TIMP2: variants seen among roughly 807,000 people sequenced by gnomAD.
The protein encoded by TIMP2 is metalloproteinase inhibitor 2.
In TIMP2, 5 loss-of-function variants were observed where a neutral mutation model predicts 24.3. That is an observed-to-expected ratio of 0.21 (90% CI 0.11 to 0.43). The LOEUF (loss-of-function observed/expected upper bound fraction) is 0.43. Ranked by LOEUF, TIMP2 falls within the 20% of genes least tolerant of loss-of-function variation. The probability of loss-of-function intolerance (pLI) is 1.00; values close to 1 mark genes in which losing one functional copy is unlikely to be tolerated. For synonymous variants in TIMP2, 130 were observed against 123.2 expected (o/e 1.06, Z -0.37); for missense variants, 221 against 297.5 (o/e 0.74, Z 1.89).
At chr17:78,884,785 C>A (rs1274791617) in intron 1 of TIMP2, among the ~76,000 whole-genome samples, 1 of 152,220 alleles carries the variant, frequency 6.6e-6, no homozygotes, top group Non-Finnish European at 1.5e-5. Flanking sequence ...GCCATTTGCA[C>A]GAACTGGAAG....
chr17:78,874,642 GT>G (rs2069713748), intron 1 of TIMP2, among the ~76,000 whole-genome samples: 1 of 151,964 alleles, frequency 6.6e-6, no homozygotes, highest in Non-Finnish European at 1.5e-5. Flanking sequence ...CAGTGGCACC[GT>G]TTTGGCTCAC....
chr17:78,914,732 C>T (rs893808459), intron 1 of TIMP2, among the ~76,000 whole-genome samples: 6 of 151,958 alleles, frequency 3.9e-5, no homozygotes, highest in Non-Finnish European at 7.4e-5. Flanking sequence ...CGTGCCACCA[C>T]CCCTGGCTAA....
chr17:78,861,655 T>C (rs1423277284), intron 3 of TIMP2, among the ~76,000 whole-genome samples: 2 of 150,840 alleles, frequency 1.3e-5, no homozygotes, highest in Non-Finnish European at 2.9e-5. Context: ...GAGGCTGGAG[T>C]GCAGCGGTGC....
At chr17:78,917,761 T>A (rs8066695) in intron 1 of TIMP2, among the ~76,000 whole-genome samples, 12 of 151,986 alleles carry the variant, frequency 7.9e-5, no homozygotes, top group African/African-American at 2.7e-4. Context: ...ACTGATGGCA[T>A]CCTTTCCCCA....
intron 1 of TIMP2, among the ~76,000 whole-genome samples, chr17:78,923,399 G>GGGT (rs1555653541): frequency 1.4e-5 from 2 of 138,126 alleles, no homozygotes; most frequent in East Asian, 2.4e-4. Context: ...GGCGGGGTGG[G>GGGT]GGGGGGGGCG....
chr17:78,892,305 G>A, intron 1 of TIMP2: 1 of 1,550,684 alleles, frequency 6.4e-7, no homozygotes, highest in Non-Finnish European at 8.7e-7. Flanking sequence ...TCAGGACAGA[G>A]GCTCAGCCAC....
chr17:78,913,539 C>T (rs192934863), intron 1 of TIMP2, among the ~76,000 whole-genome samples: 4 of 152,146 alleles, frequency 2.6e-5, no homozygotes, highest in East Asian at 1.9e-4. Context: ...GGCAAAACCT[C>T]GTCTCGACAA....
chr17:78,881,802 T>A (rs2069782727), intron 1 of TIMP2, among the ~76,000 whole-genome samples: 1 of 152,172 alleles, frequency 6.6e-6, no homozygotes. Flanking sequence ...AAAAGTGGGG[T>A]GCCATGAGTG....
chr17:78,905,927 A>G (rs9902885), intron 1 of TIMP2, among the ~76,000 whole-genome samples: 59,387 of 152,042 alleles, frequency 0.39, 11,712 homozygotes, highest in Middle Eastern at 0.45. Flanking sequence ...ATCATAATAA[A>G]GTGAATATTG....
At chr17:78,868,317 C>T (rs1341076559) in intron 3 of TIMP2, among the ~76,000 whole-genome samples, 1 of 152,012 alleles carries the variant, frequency 6.6e-6, no homozygotes, top group East Asian at 1.9e-4. Context: ...GTGGCGTGAT[C>T]TCAGCTTGCT....
chr17:78,893,587 G>A (rs1360405463), intron 1 of TIMP2, among the ~76,000 whole-genome samples: 2 of 151,968 alleles, frequency 1.3e-5, no homozygotes, highest in African/African-American at 2.4e-5. Flanking sequence ...ACAGGTGTGT[G>A]TATGTATGCA....
intron 1 of TIMP2, among the ~76,000 whole-genome samples, chr17:78,893,170 C>T (rs2069931665): frequency 8.2e-6 from 1 of 122,244 alleles, no homozygotes; most frequent in Non-Finnish European, 1.7e-5. Flanking sequence ...GGTGTGTGTG[C>T]ATACATGTGT....
chr17:78,864,941 C>T (rs1224180991), intron 3 of TIMP2, among the ~76,000 whole-genome samples: 1 of 152,062 alleles, frequency 6.6e-6, no homozygotes, highest in Non-Finnish European at 1.5e-5. Context: ...GTAACCTCAG[C>T]TACTCAGGAG....
chr17:78,894,407 A>AGG (rs2069965692), intron 1 of TIMP2, among the ~76,000 whole-genome samples: 1 of 152,106 alleles, frequency 6.6e-6, no homozygotes. Flanking sequence ...AGATCACACA[A>AGG]TTAGAATAGT....
rs889445682 is a variant in TIMP2 at position 78,891,950 on chromosome 17, C to G, written c.131-18031G>C. On this transcript the variant is annotated intron_variant, in intron 1 of 4. Transcript: ENST00000262768. This position sits in a 1 kb window ranked among gnomAD's most constrained non-coding sequence, Gnocchi z 4.5. ...CCTGGAGTGCCTGGGGTGTTGCTGGCCCAACTCTTCCCTGCAACTCCTCTC... is the reference window on the plus strand; with the variant it reads ...CCTGGAGTGCCTGGGGTGTTGCTGGGCCAACTCTTCCCTGCAACTCCTCTC... 1.3e-6 allele frequency: 2 copies of G among 1,550,444 alleles called. No individual in the cohort carries two copies. The highest frequency in any genetic ancestry group is 2.7e-5 in the African/African-American group (2 of 73,028).
intron 1 of TIMP2, among the ~76,000 whole-genome samples, chr17:78,894,557 G>GT (rs1179865481): frequency 2.0e-5 from 3 of 152,204 alleles, no homozygotes; most frequent in South Asian, 4.1e-4. Context: ...GGAAAGAATA[G>GT]TTTTTTTGTT....
intron 1 of TIMP2, among the ~76,000 whole-genome samples, chr17:78,916,421 C>T (rs1034669333): frequency 2.6e-5 from 4 of 152,180 alleles, no homozygotes; most frequent in African/African-American, 4.8e-5. Context: ...TCCCTCTCGC[C>T]GAGACTTTCT....
intron 3 of TIMP2, among the ~76,000 whole-genome samples, chr17:78,863,857 C>T: frequency 6.6e-6 from 1 of 152,170 alleles, no homozygotes; most frequent in African/African-American, 2.4e-5. Flanking sequence ...CTCCTACTCC[C>T]ACTTTCATCC....
At chr17:78,918,065 A>ACACACACGCGCAC (rs1555652947) in intron 1 of TIMP2, among the ~76,000 whole-genome samples, 46 of 144,810 alleles carry the variant, frequency 3.2e-4, no homozygotes, top group African/African-American at 9.9e-4. Context: ...TGCACACACA[A>ACACACACGCGCAC]ACACACACAC....
Sources: gnomAD v4.1 joint callset for allele counts (sites outside exome capture counted in the v4.1 genomes callset) on GRCh38, gnomAD v4.1.1 for gene constraint, Gnocchi (gnomAD v3.1) non-coding constraint, MANE v1.5 for transcripts, NCBI Gene and HGNC (gene_info 2026-07-23, HGNC 2026-07-21) for gene names.